COL10A1: variants seen among roughly 807,000 people sequenced by gnomAD.
COL10A1 encodes collagen type X alpha 1 chain.
In COL10A1, 10 loss-of-function variants were observed where a neutral mutation model predicts 18.2. That is an observed-to-expected ratio of 0.55 (90% CI 0.34 to 0.93). The LOEUF (loss-of-function observed/expected upper bound fraction) is 0.93, where lower values mean the gene tolerates loss of function less well. COL10A1 is among the 40% of genes least tolerant of loss of function. COL10A1 has a pLI of 0.02. For synonymous variants in COL10A1, 330 were observed against 316.6 expected, an observed-to-expected ratio of 1.04 and a Z score of -0.45; for missense variants, 897 against 853.5, an observed-to-expected ratio of 1.05 and a Z score of -0.64.
At chr6:116,127,219 GA>G (rs1286257201), upstream of COL10A1, among the ~76,000 whole-genome samples, 1 of 152,104 alleles carries the variant, frequency 6.6e-6, no homozygotes, top group Non-Finnish European at 1.5e-5. Flanking sequence ...TTGAAAGTTT[GA>G]CCAGTGAATG....
intron 1 of COL10A1, among the ~76,000 whole-genome samples, chr6:116,156,865 C>T (rs1780207483): frequency 6.6e-6 from 1 of 152,196 alleles, no homozygotes; most frequent in South Asian, 2.1e-4. Flanking sequence ...CATTACATCA[C>T]AACTCTTGCC....
intron 1 of COL10A1, among the ~76,000 whole-genome samples, chr6:116,142,439 T>C (rs1363518524): frequency 2.6e-5 from 4 of 152,204 alleles, no homozygotes; most frequent in Non-Finnish European, 4.4e-5. Flanking sequence ...TCATCAATGC[T>C]AGTTCTACTC....
upstream of COL10A1, among the ~76,000 whole-genome samples, chr6:116,163,137 A>ACATAT (rs1554197055): frequency 9.5e-6 from 1 of 105,420 alleles, no homozygotes; most frequent in Non-Finnish European, 1.8e-5. Flanking sequence ...AAAAAAAAAA[A>ACATAT]AAAAATATAT....
the COL10A1 span, among the ~76,000 whole-genome samples, chr6:116,168,356 A>T: frequency 6.6e-6 from 1 of 151,176 alleles, no homozygotes; most frequent in Non-Finnish European, 1.5e-5. Context: ...TTCTCTCTTC[A>T]GTTGCGTCTA....
chr6:116,148,980 AAGTGATG>A (rs1156228571), intron 1 of COL10A1, among the ~76,000 whole-genome samples: 1 of 152,194 alleles, frequency 6.6e-6, no homozygotes, highest in Non-Finnish European at 1.5e-5. Context: ...CTAAACATTT[AAGTGATG>A]AGAATTGACA....
the COL10A1 span, among the ~76,000 whole-genome samples, chr6:116,164,614 T>C: frequency 6.6e-6 from 1 of 152,232 alleles, no homozygotes; most frequent in African/African-American, 2.4e-5. Context: ...CCTTGCCTAA[T>C]ATTGTTAGCT....
At chr6:116,136,619 A>C (rs554416345) in intron 1 of COL10A1, among the ~76,000 whole-genome samples, 3 of 152,158 alleles carry the variant, frequency 2.0e-5, no homozygotes, top group African/African-American at 7.2e-5. Context: ...ATTTGAGTCA[A>C]ATTTCATTTG....
chr6:116,191,585 C>T, the COL10A1 span, among the ~76,000 whole-genome samples: 1 of 151,978 alleles, frequency 6.6e-6, no homozygotes, highest in African/African-American at 2.4e-5. Context: ...ATCTTTTCTC[C>T]TCAAGGTACG....
chr6:116,202,144 C>T, the COL10A1 span, among the ~76,000 whole-genome samples: 1 of 151,936 alleles, frequency 6.6e-6, no homozygotes, highest in African/African-American at 2.4e-5. Context: ...CACGTGTGGC[C>T]CATACCTGCT....
chr6:116,154,294 G>A (rs547847408), intron 1 of COL10A1, among the ~76,000 whole-genome samples: 28 of 152,094 alleles, frequency 1.8e-4, no homozygotes, highest in South Asian at 4.1e-4. Context: ...AGTAGGTTTC[G>A]TCTAGCTTAA....
chr6:116,162,492 T>A (rs1337604930), upstream of COL10A1, among the ~76,000 whole-genome samples: 6 of 152,240 alleles, frequency 3.9e-5, no homozygotes, highest in African/African-American at 1.4e-4. Context: ...TGAAGAGATG[T>A]TGGATTTTAT....
rs138260310 is a variant in COL10A1 at position 116,144,374 on chromosome 6, G to T, written c.-16+14240C>A. Among the ~76,000 whole-genome samples, 345 of 152,140 alleles carry T rather than the reference G, an allele frequency of 2.3e-3. 1 individual carries two copies. Among genetic ancestry groups the T allele is most frequent in the African/African-American group, 8.2e-3 (339 of 41,486 alleles). On this transcript the variant is annotated intron_variant, in intron 1 of 1. Transcript: ENST00000418500. ...AAATTAGCTGGGCGTGATGGTGCAC[G>T]CCTGTAGTCCCAGCTACTTGGGAGA...
At chr6:116,158,604 T>C (rs1780257614) in intron 1 of COL10A1, 1 of 152,206 alleles carries the variant, frequency 6.6e-6, no homozygotes, top group Admixed American at 6.5e-5. Flanking sequence ...CACGTTTGAA[T>C]TTCTCCTACC....
chr6:116,157,868 G>A (rs771320545), intron 1 of COL10A1, among the ~76,000 whole-genome samples: 19 of 152,116 alleles, frequency 1.2e-4, no homozygotes, highest in Non-Finnish European at 2.4e-4. Flanking sequence ...CCCTTGTATT[G>A]TACGTCTTTT....
intron 1 of COL10A1, among the ~76,000 whole-genome samples, chr6:116,135,274 A>G (rs1399796881): frequency 2.0e-5 from 3 of 152,196 alleles, no homozygotes; most frequent in Non-Finnish European, 4.4e-5. Flanking sequence ...ATATTTTAGA[A>G]CATTCAAGTT....
At chr6:116,136,184 C>A (rs1003337174) in intron 1 of COL10A1, among the ~76,000 whole-genome samples, 2 of 152,086 alleles carry the variant, frequency 1.3e-5, no homozygotes, top group African/African-American at 2.4e-5. Flanking sequence ...TGAGATCATG[C>A]AGTATTTGTC....
At chr6:116,175,699 G>A in the COL10A1 span, among the ~76,000 whole-genome samples, 1 of 152,234 alleles carries the variant, frequency 6.6e-6, no homozygotes, top group Non-Finnish European at 1.5e-5. Context: ...TATGTCAGAA[G>A]CTGATGAACA....
rs367923341 is a variant in COL10A1 at position 116,121,789 on chromosome 6, A to G, written c.327T>C (p.Gly109=). 1.9e-6 allele frequency: 3 copies of G among 1,612,564 alleles called. No homozygotes were observed. The African/African-American group carries it at 4.0e-5, about 22-fold the overall frequency. ...PPGPSAVGKP[G]VPGLPGKPGE... ...CTGGTTTTCCTGGGAGTCCTGGCACACCTGGTTTCCCTACAGCTGATGGTC... is the reference window on the plus strand; with the variant it reads ...CTGGTTTTCCTGGGAGTCCTGGCACGCCTGGTTTCCCTACAGCTGATGGTC... The change falls in exon 3 of 3, where the codon GGT becomes GGC. Residue 109 remains glycine, a synonymous_variant. Coordinates refer to ENST00000651968, the MANE Select transcript of COL10A1 (RefSeq NM_000493.4).
rs942448687 is a variant in COL10A1, at chr6:116,125,495, T to C, written c.-3A>G. 4 of 1,613,560 alleles carry C rather than the reference T, an allele frequency of 2.5e-6. No homozygotes were observed. Among genetic ancestry groups the C allele is most frequent in the Non-Finnish European group, 3.4e-6 (4 of 1,179,618 alleles). The stretch of plus-strand genomic sequence containing the variant: ...AAAAAGGGTATTTGTGGCAGCATAT[T>C]CTCAGATGGATTCTGAAAAACAGAA... On this transcript the variant is annotated 5_prime_UTR_variant, in exon 2 of 3. Transcript: ENST00000651968.
Sources: gnomAD v4.1 joint callset for allele counts (sites outside exome capture counted in the v4.1 genomes callset) on GRCh38, gnomAD v4.1.1 for gene constraint, MANE v1.5 for transcripts, NCBI Gene and HGNC (gene_info 2026-07-23, HGNC 2026-07-21) for gene names.